The following NAALADL2 variants were observed in gnomAD, a reference collection of about 807,000 sequenced individuals.
NAALADL2 encodes the protein inactive N-acetylated-alpha-linked acidic dipeptidase-like protein 2.
NAALADL2 carries 76 observed loss-of-function variants against 87.2 expected under a neutral mutation model. The observed-to-expected ratio is 0.87, with a 90% CI of 0.72 to 1.05. The LOEUF (loss-of-function observed/expected upper bound fraction) is 1.05, where lower values mean the gene tolerates loss of function less well. NAALADL2 is among the 50% of genes least tolerant of loss of function. The pLI is 0.00. For missense variants in NAALADL2, 1,089 were observed against 945.8 expected (o/e 1.15, Z -1.99); for synonymous variants, 354 against 331.0 (o/e 1.07, Z -0.75).
intron 2 of NAALADL2, among the ~76,000 whole-genome samples, chr3:175,121,468 G>A (rs1726148526): frequency 6.6e-6 from 1 of 151,798 alleles, no homozygotes; most frequent in South Asian, 2.1e-4. Context: ...CTCTGGACAG[G>A]TAAGATACAA....
At chr3:175,398,347 T>TTGTTTTTG (rs10663547) in intron 5 of NAALADL2, among the ~76,000 whole-genome samples, 12 of 126,886 alleles carry the variant, frequency 9.5e-5, no homozygotes, top group Admixed American at 3.9e-4. Flanking sequence ...TCTGCTACTT[T>TTGTTTTTG]TTTTTTTTTT....
chr3:175,171,746 G>A (rs559645967), intron 2 of NAALADL2, among the ~76,000 whole-genome samples: 8 of 152,124 alleles, frequency 5.3e-5, no homozygotes, highest in Admixed American at 3.3e-4. Flanking sequence ...ATATGAAATC[G>A]TGTCATTTAC....
chr3:175,746,252 C>A (rs865781329), intron 12 of NAALADL2, among the ~76,000 whole-genome samples: 1 of 149,668 alleles, frequency 6.7e-6, no homozygotes, highest in Non-Finnish European at 1.5e-5. Context: ...GATGATCACA[C>A]TAAAGCAAGC....
intron 5 of NAALADL2, among the ~76,000 whole-genome samples, chr3:175,353,150 ATTG>A (rs1228922600): frequency 2.0e-5 from 3 of 150,490 alleles, no homozygotes; most frequent in Non-Finnish European, 4.4e-5. Context: ...TTGGCTCTGT[ATTG>A]TTATTAATTT....
rs1187103873 is a variant in NAALADL2 at position 175,353,953 on chromosome 3, A to G, written c.1090+29628A>G. ...CTGGAAGATTGACATCATATATGTA[A>G]CACATTTGTTGTTTGTATACTTATA... On this transcript the variant is annotated intron_variant, in intron 5 of 13. Transcript: ENST00000454872. 2.0e-5 allele frequency among the ~76,000 whole-genome samples: 3 copies of G among 152,160 alleles called. No homozygotes were observed. In the South Asian group the frequency reaches 6.2e-4, roughly 32 times the overall value.
At position 175,576,221 on chromosome 3, in the gene NAALADL2, C is replaced by G. The variant is rs766366497; in HGVS notation, c.1800+34C>G. ...TCCTAAAAAATGCAAAACACACACACACAATATAGTAGACCTGCAGAATTT... is the reference window on the plus strand; with the variant it reads ...TCCTAAAAAATGCAAAACACACACAGACAATATAGTAGACCTGCAGAATTT... On this transcript the variant is annotated intron_variant, in intron 10 of 13. Transcript: ENST00000454872. The G allele has an allele frequency of 2.5e-6, 4 of 1,591,138 alleles. No individual in the cohort carries two copies. In the East Asian group the frequency reaches 6.7e-5, roughly 27 times the overall value.
At chr3:174,997,628 C>A (rs1747685441) in intron 1 of NAALADL2, among the ~76,000 whole-genome samples, 1 of 152,032 alleles carries the variant, frequency 6.6e-6, no homozygotes. Context: ...GGTTCAAGAC[C>A]AGCCTGGTGA....
rs546742655 is a variant in NAALADL2 at position 175,240,951 on chromosome 3, G to A, written c.819+6747G>A. On this transcript the variant is annotated intron_variant, in intron 3 of 13. Coordinates refer to ENST00000454872, the MANE Select transcript of NAALADL2 (RefSeq NM_207015.3). The stretch of plus-strand genomic sequence containing the variant: ...GCTAGGATTACAGGCATGAGCCACT[G>A]TGCCAGGCCCAGGTTTGAAGTTTTT... Among the ~76,000 whole-genome samples, 3 of 152,250 alleles carry A rather than the reference G, an allele frequency of 2.0e-5. No individual in the cohort carries two copies. In the East Asian group the frequency reaches 5.8e-4, roughly 30 times the overall value.
intron 2 of NAALADL2, among the ~76,000 whole-genome samples, chr3:174,561,867 T>C (rs542999194): frequency 6.6e-6 from 1 of 152,344 alleles, no homozygotes; most frequent in East Asian, 1.9e-4. Flanking sequence ...CATTTTCTCT[T>C]TAATAAGTTG....
chr3:175,611,489 A>C (rs1025889574), intron 10 of NAALADL2, among the ~76,000 whole-genome samples: 1 of 152,072 alleles, frequency 6.6e-6, no homozygotes, highest in African/African-American at 2.4e-5. Context: ...ATTGGGTCCA[A>C]GTTAAAAAGA....
intron 10 of NAALADL2, among the ~76,000 whole-genome samples, chr3:175,592,437 T>A (rs905850865): frequency 1.3e-5 from 2 of 152,006 alleles, no homozygotes; most frequent in Non-Finnish European, 2.9e-5. Flanking sequence ...TTTCTTCACA[T>A]CTAGATTTTT....
rs1578587657 is a variant in NAALADL2, at chr3:174,698,780, C to T, written c.-114-38861C>T. On this transcript the variant is annotated intron_variant, in intron 2 of 3. Transcript: ENST00000434257. ...TTGGGAGGCTGAGGCAGGAGAATGG[C>T]GTGAACCCGGGAGGCGGAGCTTGCA... Among the ~76,000 whole-genome samples, 3 of 129,328 alleles carry T rather than the reference C, an allele frequency of 2.3e-5. 1 individual carries two copies. The highest frequency in any genetic ancestry group is 8.0e-5 in the Admixed American group (1 of 12,520). 84.8% of individuals were successfully genotyped at this position (129,328 alleles called of 152,430 possible).
At chr3:174,952,067 A>C (rs1740447437) in intron 1 of NAALADL2, among the ~76,000 whole-genome samples, 1 of 152,134 alleles carries the variant, frequency 6.6e-6, no homozygotes, top group African/African-American at 2.4e-5. Context: ...CCAAAGATCA[A>C]ACACTTGTTC....
intron 11 of NAALADL2, among the ~76,000 whole-genome samples, chr3:175,696,881 A>G (rs1440954807): frequency 6.6e-6 from 1 of 152,142 alleles, no homozygotes; most frequent in Non-Finnish European, 1.5e-5. Flanking sequence ...GAGAGAAAGT[A>G]GGGGCAACAT....
intron 2 of NAALADL2, among the ~76,000 whole-genome samples, chr3:175,114,700 T>C (rs1158074460): frequency 6.6e-6 from 1 of 151,528 alleles, no homozygotes; most frequent in African/African-American, 2.4e-5. Context: ...TTAGCCATGG[T>C]TCAAATGTCA....
chr3:175,016,364 A>G (rs973948904), intron 1 of NAALADL2, among the ~76,000 whole-genome samples: 15 of 150,906 alleles, frequency 9.9e-5, no homozygotes, highest in African/African-American at 3.6e-4. Flanking sequence ...CAACAGTAGC[A>G]TATCTATTGA....
At chr3:175,486,551 T>G (rs1315175003) in intron 9 of NAALADL2, among the ~76,000 whole-genome samples, 1 of 152,150 alleles carries the variant, frequency 6.6e-6, no homozygotes, top group African/African-American at 2.4e-5. Flanking sequence ...TTCGTCATCT[T>G]CAGGCTGTGT....
chr3:175,111,022 TAGA>T (rs1198333794), intron 2 of NAALADL2, among the ~76,000 whole-genome samples: 1 of 151,616 alleles, frequency 6.6e-6, no homozygotes, highest in East Asian at 1.9e-4. Context: ...AGAAAATTCT[TAGA>T]AGAAGGGAAG....
chr3:175,388,844 C>A (rs1768739489), intron 5 of NAALADL2, among the ~76,000 whole-genome samples: 1 of 152,090 alleles, frequency 6.6e-6, no homozygotes, highest in Non-Finnish European at 1.5e-5. Flanking sequence ...ATATCAGTTA[C>A]TCACTATTAA....
Sources: allele counts gnomAD v4.1 joint callset (sites outside exome capture counted in the v4.1 genomes callset), GRCh38; gene constraint gnomAD v4.1.1; transcripts MANE v1.5; gene names NCBI Gene and HGNC (gene_info 2026-07-23, HGNC 2026-07-21).